Variants in TET3 observed in about 807,000 individuals in gnomAD.
TET3 encodes the protein methylcytosine dioxygenase TET3.
A neutral mutation model predicts 141.4 loss-of-function variants in TET3; 19 were observed. The observed-to-expected ratio is 0.13, with a 90% confidence interval of 0.09 to 0.20. TET3 has a LOEUF of 0.20. Among genes scored for constraint, TET3 ranks in the 10% least tolerant of loss-of-function variants. TET3 has a pLI of 1.00. For synonymous variants in TET3, 1,043 were observed against 980.9 expected, an observed-to-expected ratio of 1.06 and a Z score of -1.18; for missense variants, 1,874 against 2,356.9, an observed-to-expected ratio of 0.80 and a Z score of 4.24.
chr2:74,069,850 G>T (rs1020305702), intron 4 of TET3, among the ~76,000 whole-genome samples: 1 of 151,900 alleles, frequency 6.6e-6, no homozygotes, highest in Non-Finnish European at 1.5e-5. Context: ...TCCTCCCCTT[G>T]GCCTCCTAAA....
At chr2:74,099,178 G>T in intron 10 of TET3, 98 bp from the exon 11 acceptor site, 1 of 1,109,970 alleles carries the variant, frequency 9.0e-7, no homozygotes, top group Non-Finnish European at 1.3e-6. Context: ...GGATTGTGTG[G>T]GGAAAGATGA....
At chr2:74,124,291 A>AC in the TET3 span, among the ~76,000 whole-genome samples, 1 of 131,696 alleles carries the variant, frequency 7.6e-6, no homozygotes, top group African/African-American at 2.9e-5. Flanking sequence ...CCAGCCAGCC[A>AC]CCCCGTCTGG....
At chr2:74,026,201 C>T (rs191815560) in intron 3 of TET3, among the ~76,000 whole-genome samples, 20 of 147,998 alleles carry the variant, frequency 1.4e-4, no homozygotes, top group Admixed American at 1.2e-3. Context: ...TGGAGGCCAT[C>T]GCTGGGGGGA....
At chr2:74,021,510 C>G (rs1686041788) in intron 3 of TET3, among the ~76,000 whole-genome samples, 1 of 152,252 alleles carries the variant, frequency 6.6e-6, no homozygotes, top group Non-Finnish European at 1.5e-5. Context: ...GAAGAGACTA[C>G]TGTCCCTGGT....
chr2:74,078,667 T>G (rs1242004399), intron 5 of TET3, among the ~76,000 whole-genome samples: 1 of 152,208 alleles, frequency 6.6e-6, no homozygotes, highest in African/African-American at 2.4e-5. Flanking sequence ...GGGGTGGAGA[T>G]TCCTAGAAGT....
rs1011732987 is a variant in TET3, at chr2:74,093,449, A to G, written c.3130-80A>G. On this transcript the variant is annotated intron_variant, in intron 9 of 11. Transcript: ENST00000409262. This position sits in a 1 kb window ranked among gnomAD's most constrained non-coding sequence, Gnocchi z 4.2. Reference sequence around the variant, plus strand: ...TATCATCCTTAACATCCCTCCTTCCAAGACCTGGCCTCCCCAGGTGCAGAA... The same window carrying G: ...TATCATCCTTAACATCCCTCCTTCCGAGACCTGGCCTCCCCAGGTGCAGAA... 7.5e-6 allele frequency: 11 copies of G among 1,472,764 alleles called. No homozygotes were observed. Among genetic ancestry groups the G allele is most frequent in the Non-Finnish European group, 9.0e-6 (10 of 1,105,226 alleles). 91.2% of individuals were successfully genotyped at this position (1,472,764 alleles called of 1,614,324 possible). A position where few individuals can be genotyped will look rare whatever the true frequency, so the allele number is the denominator to read the frequency against.
chr2:74,135,453 T>TTA, the TET3 span: 1 of 1,263,560 alleles, frequency 7.9e-7, no homozygotes, highest in South Asian at 1.2e-5. Context: ...TCTAAATAGA[T>TTA]TATACATCTT....
intron 3 of TET3, among the ~76,000 whole-genome samples, chr2:74,029,321 CAA>C (rs1482959362): frequency 6.6e-6 from 1 of 152,056 alleles, no homozygotes; most frequent in African/African-American, 2.4e-5. Context: ...ATAATAAGCC[CAA>C]ATAGACATGG....
intron 4 of TET3, among the ~76,000 whole-genome samples, chr2:74,064,677 G>A (rs1468989931): frequency 6.6e-6 from 1 of 152,036 alleles, no homozygotes; most frequent in Non-Finnish European, 1.5e-5. Flanking sequence ...GAGATTATAG[G>A]CATGAGCCAC....
the TET3 span, among the ~76,000 whole-genome samples, chr2:74,124,510 A>G: frequency 6.6e-6 from 1 of 152,250 alleles, no homozygotes; most frequent in Non-Finnish European, 1.5e-5. Context: ...AAATGTGGGG[A>G]AAAGAGATCA....
the TET3 span, among the ~76,000 whole-genome samples, chr2:74,116,103 T>C: frequency 6.7e-6 from 1 of 149,920 alleles, no homozygotes; most frequent in South Asian, 2.1e-4. Flanking sequence ...CCAACAAATA[T>C]ATGAAAAAAT....
chr2:74,094,018 G>A (rs1022267630), intron 10 of TET3, among the ~76,000 whole-genome samples: 5 of 152,218 alleles, frequency 3.3e-5, no homozygotes, highest in African/African-American at 9.6e-5. Context: ...TTGGACAAAT[G>A]TGTATTGAGT....
Position 73,986,146 on chromosome 2 carries a change from T to TGCTGCTGGTG in TET3, c.-257_-248dup. 1 of 341,476 alleles carries TGCTGCTGGTG rather than the reference T, an allele frequency of 2.9e-6. No individual in the cohort carries two copies. Among genetic ancestry groups the TGCTGCTGGTG allele is most frequent in the Non-Finnish European group, 5.3e-6 (1 of 189,916 alleles). The allele number at this position is 341,476 out of a possible 1,614,324, so 21.2% of individuals were successfully genotyped here. A position where few individuals can be genotyped will look rare whatever the true frequency, so the allele number is the denominator to read the frequency against. On this transcript the variant is annotated 5_prime_UTR_variant, in exon 2 of 12. An upstream open reading frame in the 5' UTR loses its in-frame stop. Coordinates refer to ENST00000409262, the MANE Select transcript of TET3 (RefSeq NM_001287491.2). Reference sequence around the variant, plus strand: ...CCAAGATGATCCCTTTTCTGAGGGCTGCTGCTGGTGTCCTCCCCCAGATCC... The same window carrying TGCTGCTGGTG: ...CCAAGATGATCCCTTTTCTGAGGGCTGCTGCTGGTGGCTGCTGGTGTCCTCCCCCAGATCC...
intron 5 of TET3, among the ~76,000 whole-genome samples, chr2:74,075,320 CTTTTTTTTTTTTTTT>C (rs971111434): frequency 5.6e-5 from 5 of 89,080 alleles, no homozygotes; most frequent in African/African-American, 1.3e-4. Context: ...GAGCCAAATA[CTTTTTTTTTTTTTTT>C]TTTTTTTTTT....
chr2:73,992,406 C>T (rs1236982378), intron 2 of TET3, among the ~76,000 whole-genome samples: 1 of 151,068 alleles, frequency 6.6e-6, no homozygotes, highest in Non-Finnish European at 1.5e-5. Flanking sequence ...TTCCACCTCC[C>T]CGGTTCAAGC....
chr2:74,077,219 T>A (rs1163847346), intron 5 of TET3, among the ~76,000 whole-genome samples: 1 of 152,238 alleles, frequency 6.6e-6, no homozygotes, highest in Admixed American at 6.5e-5. Flanking sequence ...CTCAGAGCAG[T>A]GGTTGTCAGA....
intron 3 of TET3, among the ~76,000 whole-genome samples, chr2:74,020,435 A>G (rs929742980): frequency 2.0e-5 from 3 of 152,136 alleles, no homozygotes; most frequent in East Asian, 1.9e-4. Context: ...TGCCTGCCCA[A>G]AGTGTTGGGA....
At chr2:74,058,859 A>G (rs72816201) in intron 4 of TET3, among the ~76,000 whole-genome samples, 223 of 152,288 alleles carry the variant, frequency 1.5e-3, no homozygotes, top group Non-Finnish European at 2.6e-3. Context: ...ATGTTTTTAA[A>G]TGGTTGAAAA....
At chr2:74,124,925 T>C in the TET3 span, among the ~76,000 whole-genome samples, 3,479 of 55,932 alleles carry the variant, frequency 0.062, 143 homozygotes, top group African/African-American at 0.21. Flanking sequence ...GATCAATAAA[T>C]ACTAAAAAAA....
Sources: gnomAD v4.1 joint callset for allele counts (sites outside exome capture counted in the v4.1 genomes callset) on GRCh38, gnomAD v4.1.1 for gene constraint, Gnocchi (gnomAD v3.1) non-coding constraint, MANE v1.5 for transcripts, NCBI Gene and HGNC (gene_info 2026-07-23, HGNC 2026-07-21) for gene names.